PLCH1: variants seen among roughly 807,000 people sequenced by gnomAD.
PLCH1 encodes the protein phospholipase C eta 1.
Under a neutral mutation model 126.7 loss-of-function variants are expected in PLCH1, and 60 were observed. That is an observed-to-expected ratio of 0.47 (90% CI 0.38 to 0.59). The LOEUF (loss-of-function observed/expected upper bound fraction) is 0.59. Among genes scored for constraint, PLCH1 ranks in the 20% least tolerant of loss-of-function variants. The pLI is 0.00. For missense variants in PLCH1, 1,723 were observed against 2,040.0 expected (o/e 0.84, Z 2.99); for synonymous variants, 719 against 734.9 (o/e 0.98, Z 0.35).
At chr3:155,714,457 C>T (rs749651571) in intron 1 of PLCH1, among the ~76,000 whole-genome samples, 61 of 152,174 alleles carry the variant, frequency 4.0e-4, no homozygotes, top group Non-Finnish European at 6.6e-4. Context: ...TTCTAAGCAC[C>T]ACCAAACTGG....
intron 2 of PLCH1, among the ~76,000 whole-genome samples, chr3:155,611,691 T>C (rs1370520107): frequency 3.3e-5 from 5 of 152,182 alleles, no homozygotes; most frequent in African/African-American, 1.2e-4. Context: ...CAGAACATCT[T>C]ACCCAACAAC....
chr3:155,590,026 C>T (rs566288425), intron 4 of PLCH1, among the ~76,000 whole-genome samples: 1 of 152,288 alleles, frequency 6.6e-6, no homozygotes, highest in African/African-American at 2.4e-5. Context: ...GGGTCTGATC[C>T]CTAATGACAC....
At chr3:155,555,981 G>C (rs1299860686) in intron 8 of PLCH1, among the ~76,000 whole-genome samples, 5 of 152,208 alleles carry the variant, frequency 3.3e-5, no homozygotes, top group Non-Finnish European at 7.3e-5. Context: ...TTGGTTGCCA[G>C]AACTTCTGAG....
intron 2 of PLCH1, among the ~76,000 whole-genome samples, chr3:155,697,033 G>A (rs539207287): frequency 1.1e-4 from 17 of 152,246 alleles, no homozygotes; most frequent in Admixed American, 9.2e-4. Flanking sequence ...CCCCTCCATC[G>A]TTGCAGAAGA....
At chr3:155,565,228 C>T (rs1728179479) in intron 7 of PLCH1, 110 bp from the exon 8 acceptor site, 1 of 674,944 alleles carries the variant, frequency 1.5e-6, no homozygotes, top group African/African-American at 1.8e-5. Flanking sequence ...TCTTATTTAC[C>T]CTCAGGATGG....
Position 155,485,643 on chromosome 3 carries a change from T to G in PLCH1, c.2687A>C (p.Asn896Thr), listed in dbSNP as rs553645413. The G allele has an allele frequency of 6.2e-7, 1 of 1,610,752 alleles. No individual in the cohort carries two copies. Among genetic ancestry groups the G allele is most frequent in the African/African-American group, 1.3e-5 (1 of 75,048 alleles). Reference protein sequence around the residue: ...KNPRHSSSENNSHYVRKRSIG... With the variant: ...KNPRHSSSENTSHYVRKRSIG... ...GGATCGCTTCCGTACATAATGGGAA[T>G]TGTTTTCTGAAGAACTGTGCCTAGG... Residue 896 changes from asparagine (N) to threonine (T), a missense_variant, in exon 22 of 23, where the codon AAT becomes ACT. Physicochemically the swap from Asn to Thr is moderately conservative, Grantham distance 65 (BLOSUM62 0). Coordinates refer to ENST00000460012, the MANE Select transcript of PLCH1 (RefSeq NM_014996.4).
At position 155,455,767 on chromosome 3, in the gene PLCH1, A is replaced by G. The variant is rs149927397; in HGVS notation, c.2938+29589T>C. Among the ~76,000 whole-genome samples, 1,228 of 152,326 alleles carry G rather than the reference A, an allele frequency of 8.1e-3. 13 individuals are homozygous for G. The highest frequency in any genetic ancestry group is 0.047 in the South Asian group (225 of 4,832). ...ATATTCTTTACTTCTACAAAGAAAT[A>G]CACTTTCTCCAATTTTGTTTTTAAA... is the stretch of plus-strand genomic sequence containing the variant. On this transcript the variant is annotated intron_variant, in intron 21 of 21. Transcript: ENST00000494598.
chr3:155,479,041 A>G (rs968473394), downstream of PLCH1, among the ~76,000 whole-genome samples: 3 of 152,162 alleles, frequency 2.0e-5, no homozygotes, highest in Non-Finnish European at 2.9e-5. Flanking sequence ...ACTTCCCACA[A>G]TTTTGGGGAT....
intron 10 of PLCH1, among the ~76,000 whole-genome samples, chr3:155,544,285 A>C (rs547223284): frequency 7.2e-5 from 11 of 152,354 alleles, no homozygotes; most frequent in African/African-American, 2.4e-4. Context: ...CAAAAGAGAC[A>C]AAGAAGGCCA....
intron 2 of PLCH1, among the ~76,000 whole-genome samples, chr3:155,622,393 T>A (rs754405130): frequency 3.3e-5 from 5 of 152,140 alleles, no homozygotes; most frequent in Non-Finnish European, 4.4e-5. Context: ...GATGACAGGA[T>A]CAAATTCACA....
At chr3:155,504,737 G>C in intron 12 of PLCH1, 111 bp from the exon 13 acceptor site, 1 of 686,616 alleles carries the variant, frequency 1.5e-6, no homozygotes, top group Admixed American at 2.3e-5. Flanking sequence ...TTGCCTCTAG[G>C]TGAGAAACAA....
intron 19 of PLCH1, among the ~76,000 whole-genome samples, chr3:155,489,860 T>C (rs573041141): frequency 5.3e-5 from 8 of 152,284 alleles, no homozygotes; most frequent in African/African-American, 1.9e-4. Context: ...TCAAAAAGCC[T>C]CGAGCTAATG....
In PLCH1 at chr3:155,551,444, G is replaced by GAA. The variant is rs59794505; in HGVS notation, c.1191-1488_1191-1487dup. ...TGGGCGACAGAGCAAGGCTGCCTCA[G>GAA]AAAAAAAAAAAAAAAAAAAAAAAAA... On this transcript the variant is annotated intron_variant, in intron 9 of 22. Coordinates refer to ENST00000460012, the MANE Select transcript of PLCH1 (RefSeq NM_014996.4). 1.9e-3 allele frequency among the ~76,000 whole-genome samples: 81 copies of GAA among 42,090 alleles called. 8 individuals carry two copies. The highest frequency in any genetic ancestry group is 2.2e-3 in the Non-Finnish European group (58 of 26,200). 27.6% of individuals were successfully genotyped at this position (42,090 alleles called of 152,430 possible).
At chr3:155,512,951 T>C (rs1719790883) in intron 12 of PLCH1, among the ~76,000 whole-genome samples, 1 of 152,210 alleles carries the variant, frequency 6.6e-6, no homozygotes, top group Non-Finnish European at 1.5e-5. Flanking sequence ...AAGCAGCAGA[T>C]TCCAGAACTC....
Position 155,734,955 on chromosome 3 carries a change from C to T in PLCH1, c.-41+9885G>A, listed in dbSNP as rs1002900213. Among the ~76,000 whole-genome samples the T allele has an allele frequency of 2.8e-4, 42 of 152,074 alleles. 1 individual carries two copies. Among genetic ancestry groups the T allele is most frequent in the Admixed American group, 2.2e-3 (33 of 15,262 alleles). On this transcript the variant is annotated intron_variant, in intron 1 of 22. Transcript: ENST00000460012. ...CGATCTCCTGACCTTGTGATCCTCCCGCCTTGGCCTCCCAAAGTGCTGGGA... is the reference window on the plus strand; with the variant it reads ...CGATCTCCTGACCTTGTGATCCTCCTGCCTTGGCCTCCCAAAGTGCTGGGA...
chr3:155,541,900 G>A (rs967490560), intron 10 of PLCH1, among the ~76,000 whole-genome samples: 5 of 152,140 alleles, frequency 3.3e-5, no homozygotes, highest in Non-Finnish European at 7.3e-5. Flanking sequence ...TGCTGGTGGG[G>A]GAGCCAAGAT....
intron 8 of PLCH1, among the ~76,000 whole-genome samples, chr3:155,561,193 A>G (rs186565394): frequency 0.028 from 4,229 of 151,668 alleles, 69 homozygotes; most frequent in African/African-American, 0.046. Flanking sequence ...CAGGTTAGTT[A>G]CATATGTATA....
At chr3:155,544,036 A>G (rs961308180) in intron 10 of PLCH1, among the ~76,000 whole-genome samples, 15 of 53,724 alleles carry the variant, frequency 2.8e-4, no homozygotes, top group Non-Finnish European at 1.0e-3. Flanking sequence ...CACACATAAC[A>G]ATATTAACTT....
chr3:155,480,943 C>A lies in PLCH1; in HGVS notation c.*25G>T. 1.3e-6 allele frequency: 2 copies of A among 1,524,372 alleles called. No homozygotes were observed. Among genetic ancestry groups the A allele is most frequent in the Non-Finnish European group, 8.9e-7 (1 of 1,127,760 alleles). 94.4% of individuals were successfully genotyped at this position (1,524,372 alleles called of 1,614,324 possible). On this transcript the variant is annotated 3_prime_UTR_variant, in exon 23 of 23. Transcript: ENST00000460012. ...GACATTCTACAGAATACCTTGAAAA[C>A]CTTAAGAATGCAGTTTTAAATAATT...
Sources: gnomAD v4.1 joint callset for allele counts (sites outside exome capture counted in the v4.1 genomes callset) on GRCh38, gnomAD v4.1.1 for gene constraint, MANE v1.5 for transcripts, NCBI Gene and HGNC (gene_info 2026-07-23, HGNC 2026-07-21) for gene names.